TMC7: variants seen among roughly 807,000 people sequenced by gnomAD.
The protein encoded by TMC7 is transmembrane channel like 7, also known as transmembrane channel-like protein 7.
TMC7 carries 54 observed loss-of-function variants against 82.9 expected under a neutral mutation model. The observed-to-expected ratio is 0.65, with a 90% CI of 0.52 to 0.82. The LOEUF is 0.82. Among genes scored for constraint, TMC7 ranks in the 40% least tolerant of loss-of-function variants. TMC7 has a pLI of 0.00. For synonymous variants in TMC7, 350 were observed against 337.9 expected, an observed-to-expected ratio of 1.04 and a Z score of -0.39; for missense variants, 820 against 901.2, an observed-to-expected ratio of 0.91 and a Z score of 1.15.
chr16:18,989,121 C>T (rs1041781145), intron 1 of TMC7, among the ~76,000 whole-genome samples: 5 of 151,908 alleles, frequency 3.3e-5, no homozygotes, highest in Admixed American at 6.6e-5. Flanking sequence ...GTCCAGTAGA[C>T]GGTGTTAAAC....
At chr16:19,043,502 C>T (rs1381325773) in intron 9 of TMC7, among the ~76,000 whole-genome samples, 11 of 152,176 alleles carry the variant, frequency 7.2e-5, no homozygotes, top group African/African-American at 2.2e-4. Context: ...CACCAGCATC[C>T]ATCTCCAGAA....
At chr16:19,012,974 G>A (rs1458708066) in intron 2 of TMC7, among the ~76,000 whole-genome samples, 2 of 145,664 alleles carry the variant, frequency 1.4e-5, no homozygotes, top group Non-Finnish European at 3.0e-5. Flanking sequence ...CCACCAGCAT[G>A]CCTGGCTAAT....
At position 19,030,244 on chromosome 16, in the gene TMC7, C is replaced by G. The variant is rs1163573313; in HGVS notation, c.732C>G (p.Ser244Arg). The G allele has an allele frequency of 6.2e-7, 1 of 1,611,600 alleles. No individual in the cohort carries two copies. The highest frequency in any genetic ancestry group is 1.1e-5 in the South Asian group (1 of 90,782). ...TTCAGGGTTTCCTGGAGGAAACTAGCCTCTTTTACGGACATTACACCATTG... is the reference window on the plus strand; with the variant it reads ...TTCAGGGTTTCCTGGAGGAAACTAGGCTCTTTTACGGACATTACACCATTG... ...LSGTGFLEET[S>R]LFYGHYTIDG... Residue 244 changes from serine to arginine, a missense_variant, in exon 6 of 16, where the codon AGC becomes AGG. Around this residue, in one of 2 missense-constraint regions of TMC7, gnomAD observed 650 missense variants for 669.9 expected, o/e 0.97. Transcript: ENST00000304381.
At chr16:19,040,563 C>T (rs1433272098) in intron 9 of TMC7, 117 bp downstream of exon 9, 1 of 871,562 alleles carries the variant, frequency 1.1e-6, no homozygotes, top group Non-Finnish European at 1.8e-6. Context: ...AGCCAAGAGT[C>T]CTCCTCAACC....
intron 12 of TMC7, among the ~76,000 whole-genome samples, chr16:19,049,207 A>G (rs1009215353): frequency 2.0e-5 from 3 of 152,098 alleles, no homozygotes; most frequent in African/African-American, 7.2e-5. Flanking sequence ...TATTTTTAGT[A>G]GAGACAGCGT....
At chr16:18,984,986 G>C (rs1348012655) in intron 1 of TMC7, among the ~76,000 whole-genome samples, 6 of 152,312 alleles carry the variant, frequency 3.9e-5, no homozygotes, top group Admixed American at 6.5e-5. Context: ...GTAGGGCCGG[G>C]CGTGGTGGCT....
intron 2 of TMC7, among the ~76,000 whole-genome samples, chr16:19,014,104 G>C (rs538713998): frequency 1.3e-5 from 2 of 151,922 alleles, no homozygotes; most frequent in Non-Finnish European, 2.9e-5. Context: ...CTGACCTTGT[G>C]ATCTGCCTGC....
chr16:18,999,349 T>A (rs2142142297), intron 1 of TMC7, among the ~76,000 whole-genome samples: 2 of 152,324 alleles, frequency 1.3e-5, no homozygotes, highest in Admixed American at 1.3e-4. Flanking sequence ...GGCCACTGTA[T>A]TGGACAGTGC....
chr16:19,050,247 T>A (rs2142298992), intron 12 of TMC7, among the ~76,000 whole-genome samples: 1 of 151,352 alleles, frequency 6.6e-6, no homozygotes, highest in South Asian at 2.1e-4. Flanking sequence ...GGCGGGTGCC[T>A]GTAGTCCCAG....
chr16:19,044,768 C>CAAAA (rs1165792461), intron 9 of TMC7, 116 bp from the exon 10 acceptor site: 313 of 292,628 alleles, frequency 1.1e-3, no homozygotes, highest in South Asian at 2.1e-3. Flanking sequence ...CACTCCATCT[C>CAAAA]AAAAAAAAAA....
chr16:19,049,528 C>A, intron 12 of TMC7: 1 of 717,296 alleles, frequency 1.4e-6, no homozygotes, highest in Non-Finnish European at 1.7e-6. Flanking sequence ...GATGCTTTCA[C>A]TTGAAAACAC....
At chr16:19,050,263 C>G (rs577142504) in intron 12 of TMC7, among the ~76,000 whole-genome samples, 1 of 148,738 alleles carries the variant, frequency 6.7e-6, no homozygotes, top group East Asian at 2.0e-4. Flanking sequence ...CCCAGCTACT[C>G]GGGAGGCTGA....
chr16:19,056,440 C>T, intron 13 of TMC7, 102 bp from the exon 14 acceptor site: 1 of 1,398,596 alleles, frequency 7.2e-7, no homozygotes, highest in Non-Finnish European at 9.7e-7. Flanking sequence ...TTAGGTGGCT[C>T]CCTGTAGGCC....
chr16:19,004,500 G>A (rs930503825), intron 1 of TMC7, among the ~76,000 whole-genome samples: 4 of 152,052 alleles, frequency 2.6e-5, no homozygotes, highest in Non-Finnish European at 4.4e-5. Context: ...GAGTAGCTGG[G>A]ATTACAGGCA....
chr16:19,031,652 CAG>C (rs955042085), intron 6 of TMC7, among the ~76,000 whole-genome samples: 4 of 152,102 alleles, frequency 2.6e-5, no homozygotes, highest in Non-Finnish European at 5.9e-5. Flanking sequence ...GCCTGGGCGA[CAG>C]AGCGAGACTC....
intron 9 of TMC7, among the ~76,000 whole-genome samples, chr16:19,044,276 C>G (rs1045447383): frequency 1.3e-5 from 2 of 152,128 alleles, no homozygotes; most frequent in African/African-American, 4.8e-5. Context: ...CTCAAACAAT[C>G]CTCTGGGCTC....
chr16:19,035,195 G>A lies in TMC7; in HGVS notation c.858-481G>A, dbSNP rs528133232. On this transcript the variant is annotated intron_variant, in intron 6 of 15. Coordinates refer to ENST00000304381, the MANE Select transcript of TMC7 (RefSeq NM_024847.4). ...AGGAACAGAAAACCAAACACCGCAT[G>A]TTCTCACTTATTAGTGGGAGTTAAA... is the stretch of plus-strand genomic sequence containing the variant. Among the ~76,000 whole-genome samples, 6 of 152,306 alleles carry A rather than the reference G, an allele frequency of 3.9e-5. No homozygotes were observed. The South Asian group carries it at 1.2e-3, about 32-fold the overall frequency.
chr16:19,060,376 T>C (rs1241976921), intron 15 of TMC7, among the ~76,000 whole-genome samples: 1 of 151,996 alleles, frequency 6.6e-6, no homozygotes, highest in Non-Finnish European at 1.5e-5. Flanking sequence ...GGCTAATTTT[T>C]AAATTTTTTA....
Position 19,059,318 on chromosome 16 carries a change from A to C in TMC7, c.2028-98A>C, listed in dbSNP as rs1961902548. On this transcript the variant is annotated intron_variant, in intron 14 of 15. Coordinates refer to ENST00000304381, the MANE Select transcript of TMC7 (RefSeq NM_024847.4). ...TCATGCCCAGCCTTCTTTTCTAACA[A>C]GAGTAAAACTGTTCCAAGGAAAAAT... The C allele has an allele frequency of 2.0e-6, 3 of 1,534,426 alleles. No individual in the cohort carries two copies. The Admixed American group carries it at 5.9e-5, about 30-fold the overall frequency.
Sources: allele counts gnomAD v4.1 joint callset (sites outside exome capture counted in the v4.1 genomes callset), GRCh38; gene constraint gnomAD v4.1.1; regional missense constraint gnomAD v4.1.1; transcripts MANE v1.5; gene names NCBI Gene and HGNC (gene_info 2026-07-23, HGNC 2026-07-21).